Variants in FAM200B observed in about 807,000 individuals in gnomAD.
FAM200B encodes protein FAM200B.
FAM200B carries 32 observed loss-of-function variants against 33.1 expected under a neutral mutation model. The ratio of observed to expected loss-of-function variants is 0.97; its 90% CI spans 0.73 to 1.30. The LOEUF is 1.30. Ranked by LOEUF, FAM200B falls within the 50% of genes most tolerant of loss-of-function variation. The pLI, the probability that FAM200B is intolerant of heterozygous loss-of-function variation, is 0.00. For missense variants in FAM200B, 741 were observed against 754.0 expected, an observed-to-expected ratio of 0.98 and a Z score of 0.20; for synonymous variants, 240 against 264.8, an observed-to-expected ratio of 0.91 and a Z score of 0.91.
the FAM200B span, among the ~76,000 whole-genome samples, chr4:15,673,374 G>A: frequency 6.6e-6 from 1 of 152,070 alleles, no homozygotes; most frequent in Non-Finnish European, 1.5e-5. Flanking sequence ...CCAGAAGGTC[G>A]AGGCTGCAGT....
the FAM200B span, chr4:15,638,481 A>T: frequency 4.6e-6 from 7 of 1,509,216 alleles, no homozygotes; most frequent in Non-Finnish European, 6.2e-6. Flanking sequence ...CAACTAATAA[A>T]TTGTTCTTTA....
At chr4:15,663,725 T>C in the FAM200B span, among the ~76,000 whole-genome samples, 31 of 152,174 alleles carry the variant, frequency 2.0e-4, no homozygotes, top group Admixed American at 1.8e-3. Flanking sequence ...ATCTGCTTAT[T>C]TCTGTCACTA....
At chr4:15,677,248 T>A (rs370365497), upstream of FAM200B, among the ~76,000 whole-genome samples, 12 of 152,240 alleles carry the variant, frequency 7.9e-5, no homozygotes, top group Admixed American at 7.8e-4. Flanking sequence ...GTTCGTCTTA[T>A]TACTCTTCTG....
the FAM200B span, among the ~76,000 whole-genome samples, chr4:15,667,753 C>G: frequency 6.6e-6 from 1 of 152,066 alleles, no homozygotes; most frequent in African/African-American, 2.4e-5. Context: ...CATTTGACTT[C>G]CTGGTATAAG....
At chr4:15,647,857 T>C in the FAM200B span, among the ~76,000 whole-genome samples, 180 of 152,160 alleles carry the variant, frequency 1.2e-3, no homozygotes, top group South Asian at 2.3e-3. Context: ...ACAGAGTTCT[T>C]GTGAGAATTT....
chr4:15,648,041 G>C, the FAM200B span, among the ~76,000 whole-genome samples: 2 of 152,208 alleles, frequency 1.3e-5, no homozygotes, highest in South Asian at 4.1e-4. Flanking sequence ...TTATTTTTTA[G>C]AGACGGGGTC....
the FAM200B span, among the ~76,000 whole-genome samples, chr4:15,638,022 G>GA: frequency 4.0e-5 from 6 of 151,414 alleles, no homozygotes; most frequent in Non-Finnish European, 5.9e-5. Flanking sequence ...GATACAAGCT[G>GA]AAAAAATAAT....
At chr4:15,646,241 C>G in the FAM200B span, among the ~76,000 whole-genome samples, 1 of 152,046 alleles carries the variant, frequency 6.6e-6, no homozygotes, top group Non-Finnish European at 1.5e-5. Flanking sequence ...TATAATTTTT[C>G]ACATGTCACA....
chr4:15,660,529 C>T, the FAM200B span, among the ~76,000 whole-genome samples: 6 of 152,168 alleles, frequency 3.9e-5, no homozygotes, highest in Non-Finnish European at 8.8e-5. Context: ...AATAGCCTGG[C>T]TAATACACGA....
the FAM200B span, among the ~76,000 whole-genome samples, chr4:15,669,185 G>A: frequency 6.6e-6 from 1 of 152,084 alleles, no homozygotes; most frequent in African/African-American, 2.4e-5. Flanking sequence ...AAACATCTGA[G>A]CATACTTACA....
chr4:15,687,572 A>G lies in FAM200B; in HGVS notation c.595A>G (p.Thr199Ala), dbSNP rs1396872760. The G allele has an allele frequency of 6.5e-7, 1 of 1,550,360 alleles. No homozygotes were observed. Among genetic ancestry groups the G allele is most frequent in the Non-Finnish European group, 8.7e-7 (1 of 1,146,100 alleles). Residue 199 changes from threonine to alanine, a missense_variant, in exon 2 of 2, where the codon ACA becomes GCA. Transcript: ENST00000422728. ...ATTAAAAACTATACCTAATGATAAC[A>G]CAGTATCTCTTCGAATTTGTACTAT... ...DKLKTIPNDN[T>A]VSLRICTIAE...
Position 15,687,102 on chromosome 4 carries a change from A to G in FAM200B, c.125A>G (p.Asn42Ser). 4.5e-6 allele frequency: 7 copies of G among 1,549,186 alleles called. No homozygotes were observed. Among genetic ancestry groups the G allele is most frequent in the Middle Eastern group, 1.7e-4 (1 of 5,980 alleles). The change falls in exon 2 of 2, where the codon AAT becomes AGT. Residue 42 changes from asparagine (N) to serine (S), a missense_variant. Asn to Ser is a conservative substitution (Grantham distance 46). Coordinates refer to ENST00000422728, the MANE Select transcript of FAM200B (RefSeq NM_001145191.2). ...AATATTGAGAAAAATACTGACTCCA[A>G]TCTGCAAACTTCAACTTCATTTGAG... The part of the protein sequence containing the change: ...SDNIEKNTDS[N>S]LQTSTSFEPH...
chr4:15,667,528 C>T, the FAM200B span, among the ~76,000 whole-genome samples: 1 of 151,962 alleles, frequency 6.6e-6, no homozygotes, highest in African/African-American at 2.4e-5. Context: ...TAAAAAATAG[C>T]TCTTTTTAAC....
chr4:15,647,222 C>CAAAAAA, the FAM200B span, among the ~76,000 whole-genome samples: 55 of 36,354 alleles, frequency 1.5e-3, no homozygotes, highest in African/African-American at 2.2e-3. Context: ...GACTCCATCT[C>CAAAAAA]AAAAAAAAAA....
the FAM200B span, among the ~76,000 whole-genome samples, chr4:15,668,792 C>T: frequency 6.6e-6 from 1 of 152,214 alleles, no homozygotes; most frequent in Non-Finnish European, 1.5e-5. Flanking sequence ...TTATTATCAT[C>T]ATTAAAGCAT....
chr4:15,672,854 A>T, the FAM200B span, among the ~76,000 whole-genome samples: 2 of 152,184 alleles, frequency 1.3e-5, no homozygotes, highest in African/African-American at 4.8e-5. Context: ...CTTAAAATAC[A>T]TGTTGTACAG....
chr4:15,655,191 A>G, the FAM200B span: 3 of 1,388,330 alleles, frequency 2.2e-6, no homozygotes, highest in African/African-American at 3.4e-5. Context: ...CGGGAGGCTC[A>G]GCGCTCCGTT....
At chr4:15,638,824 T>C in the FAM200B span, 1 of 582,708 alleles carries the variant, frequency 1.7e-6, no homozygotes, top group Non-Finnish European at 2.9e-6. Flanking sequence ...AAATTTTAGC[T>C]GTCACCACTG....
chr4:15,640,772 G>C, the FAM200B span: 1 of 1,395,542 alleles, frequency 7.2e-7, no homozygotes, highest in Non-Finnish European at 9.7e-7. Flanking sequence ...AATCACGAAA[G>C]AAAAATTATG....
Sources: allele counts gnomAD v4.1 joint callset (sites outside exome capture counted in the v4.1 genomes callset), GRCh38; gene constraint gnomAD v4.1.1; transcripts MANE v1.5; gene names NCBI Gene and HGNC (gene_info 2026-07-23, HGNC 2026-07-21).